Variants in SNTG2 observed in about 807,000 individuals in gnomAD.
The protein encoded by SNTG2 is gamma-2-syntrophin.
In SNTG2, 74 loss-of-function variants were observed where a neutral mutation model predicts 70.9. The ratio of observed to expected loss-of-function variants is 1.04; its 90% CI spans 0.86 to 1.27. The LOEUF is 1.27. Among genes scored for constraint, SNTG2 ranks in the 50% most tolerant of loss-of-function variants. The pLI, the probability that SNTG2 is intolerant of heterozygous loss-of-function variation, is 0.00. For missense variants in SNTG2, 717 were observed against 690.7 expected (o/e 1.04, Z -0.43); for synonymous variants, 278 against 273.8 (o/e 1.02, Z -0.15).
chr2:1,283,238 C>G (rs903715931), intron 14 of SNTG2, among the ~76,000 whole-genome samples: 1 of 152,168 alleles, frequency 6.6e-6, no homozygotes, highest in African/African-American at 2.4e-5. Context: ...CTGGTGGTCA[C>G]CCTCCGAAGT....
At chr2:1,244,192 G>C (rs989757871) in intron 11 of SNTG2, among the ~76,000 whole-genome samples, 2 of 152,220 alleles carry the variant, frequency 1.3e-5, no homozygotes, top group South Asian at 2.1e-4. Flanking sequence ...TTTGTTTCGT[G>C]AATTTTAAAG....
chr2:1,201,916 T>G (rs6761813), intron 8 of SNTG2, among the ~76,000 whole-genome samples: 84,749 of 151,752 alleles, frequency 0.56, 24,911 homozygotes, highest in East Asian at 0.75. Flanking sequence ...AGAAAACTAT[T>G]TAGGCATATC....
At chr2:1,063,625 A>G (rs80076089) in intron 1 of SNTG2, among the ~76,000 whole-genome samples, 4 of 152,312 alleles carry the variant, frequency 2.6e-5, no homozygotes, top group African/African-American at 9.6e-5. Flanking sequence ...AAACAATTCA[A>G]GCAGAAAGGT....
intron 1 of SNTG2, among the ~76,000 whole-genome samples, chr2:1,078,708 A>G (rs527525123): frequency 2.8e-4 from 43 of 152,132 alleles, no homozygotes; most frequent in Non-Finnish European, 4.9e-4. Context: ...GACCTTAAGA[A>G]TACACTGAAC....
intron 2 of SNTG2, among the ~76,000 whole-genome samples, chr2:1,087,145 A>G (rs1664733808): frequency 6.6e-6 from 1 of 152,170 alleles, no homozygotes; most frequent in Non-Finnish European, 1.5e-5. Flanking sequence ...AGCAGCCCTC[A>G]GGTTTAGATG....
At chr2:1,247,918 C>T (rs570056103) in intron 12 of SNTG2, among the ~76,000 whole-genome samples, 4 of 152,194 alleles carry the variant, frequency 2.6e-5, no homozygotes, top group Non-Finnish European at 4.4e-5. Flanking sequence ...TGAATGCTAT[C>T]GTTCTGCAAT....
intron 14 of SNTG2, among the ~76,000 whole-genome samples, chr2:1,273,538 TC>T (rs1422563472): frequency 6.6e-6 from 1 of 152,044 alleles, no homozygotes; most frequent in African/African-American, 2.4e-5. Context: ...CAAAGGCAAT[TC>T]AGTGGAGAAA....
intron 12 of SNTG2, among the ~76,000 whole-genome samples, chr2:1,249,861 G>T (rs1020633957): frequency 2.0e-5 from 3 of 151,986 alleles, no homozygotes; most frequent in African/African-American, 7.3e-5. Context: ...CTTCCCTCAG[G>T]GCCCTGAGGT....
intron 1 of SNTG2, among the ~76,000 whole-genome samples, chr2:1,079,425 G>T (rs897503493): frequency 1.3e-5 from 2 of 152,122 alleles, no homozygotes; most frequent in Admixed American, 6.5e-5. Flanking sequence ...GATTTGGAAC[G>T]CCTAATTACC....
chr2:999,593 A>G (rs190807896), intron 1 of SNTG2, among the ~76,000 whole-genome samples: 2 of 152,182 alleles, frequency 1.3e-5, no homozygotes, highest in Non-Finnish European at 2.9e-5. Context: ...GGAAGCTATA[A>G]CAATCATAAA....
intron 1 of SNTG2, among the ~76,000 whole-genome samples, chr2:1,048,676 G>A (rs1195246647): frequency 1.3e-5 from 2 of 152,100 alleles, no homozygotes; most frequent in Non-Finnish European, 2.9e-5. Context: ...GTGCAGCTCT[G>A]TTGAGCGAAA....
intron 8 of SNTG2, among the ~76,000 whole-genome samples, chr2:1,179,264 T>G (rs1671698414): frequency 6.6e-6 from 1 of 152,206 alleles, no homozygotes; most frequent in Admixed American, 6.5e-5. Context: ...GCTCCTGGAT[T>G]AATTAATTTT....
At chr2:1,008,621 C>T (rs934765413) in intron 1 of SNTG2, among the ~76,000 whole-genome samples, 18 of 152,104 alleles carry the variant, frequency 1.2e-4, no homozygotes, top group African/African-American at 4.3e-4. Flanking sequence ...ATTAACATTA[C>T]AGAAACCTGT....
At chr2:994,105 T>C (rs1661595067) in intron 1 of SNTG2, among the ~76,000 whole-genome samples, 1 of 152,134 alleles carries the variant, frequency 6.6e-6, no homozygotes, top group Non-Finnish European at 1.5e-5. Context: ...TGTTTTCCTT[T>C]GGACTTTTAT....
chr2:965,093 C>T (rs1484948150), intron 1 of SNTG2, among the ~76,000 whole-genome samples: 1 of 151,168 alleles, frequency 6.6e-6, no homozygotes, highest in Non-Finnish European at 1.5e-5. Flanking sequence ...CCTCTGGACT[C>T]CAGTTCTCCT....
intron 4 of SNTG2, among the ~76,000 whole-genome samples, chr2:1,124,323 CT>C (rs1667569909): frequency 9.1e-6 from 1 of 109,626 alleles, no homozygotes; most frequent in South Asian, 3.3e-4. Flanking sequence ...CAGACAGAGG[CT>C]TGCTTTGTTG....
At chr2:958,225 G>A (rs1660236587) in intron 1 of SNTG2, among the ~76,000 whole-genome samples, 1 of 152,044 alleles carries the variant, frequency 6.6e-6, no homozygotes. Context: ...CTGAGAAATG[G>A]CCCCAAATGC....
chr2:1,361,285 T>A (rs1424312939), intron 16 of SNTG2, among the ~76,000 whole-genome samples: 1 of 152,258 alleles, frequency 6.6e-6, no homozygotes, highest in African/African-American at 2.4e-5. Context: ...ATTTGTCCCA[T>A]TGAGTGTGTA....
intron 8 of SNTG2, among the ~76,000 whole-genome samples, chr2:1,174,402 GT>G (rs1433079758): frequency 1.3e-5 from 2 of 151,956 alleles, no homozygotes; most frequent in Non-Finnish European, 2.9e-5. Context: ...TTTCTGTGAG[GT>G]TTTTTGCTGT....
Sources: allele counts gnomAD v4.1 joint callset (sites outside exome capture counted in the v4.1 genomes callset), GRCh38; gene constraint gnomAD v4.1.1; transcripts MANE v1.5; gene names NCBI Gene and HGNC (gene_info 2026-07-23, HGNC 2026-07-21).